ZNF280D: variants seen among roughly 807,000 people sequenced by gnomAD.
ZNF280D encodes the protein zinc finger protein 280D.
Under a neutral mutation model 94.7 loss-of-function variants are expected in ZNF280D, and 39 were observed. The ratio of observed to expected loss-of-function variants is 0.41; its 90% CI spans 0.32 to 0.54. The LOEUF (loss-of-function observed/expected upper bound fraction) is 0.54, where lower values mean the gene tolerates loss of function less well. Among genes scored for constraint, ZNF280D ranks in the 20% least tolerant of loss-of-function variants. ZNF280D has a pLI of 0.22. For missense variants in ZNF280D, 1,090 were observed against 1,149.3 expected (o/e 0.95, Z 0.75); for synonymous variants, 398 against 377.6 (o/e 1.05, Z -0.63).
chr15:56,731,939 G>C (rs1411188004), intron 1 of ZNF280D, among the ~76,000 whole-genome samples: 1 of 152,194 alleles, frequency 6.6e-6, no homozygotes, highest in Non-Finnish European at 1.5e-5. Context: ...GGAGGCTGAG[G>C]TGAGAGGTCA....
intron 19 of ZNF280D, chr15:56,653,373 A>G: frequency 7.7e-7 from 1 of 1,293,146 alleles, no homozygotes; most frequent in South Asian, 2.5e-5. Flanking sequence ...GTGGGCCTTA[A>G]AGCCATCTCT....
intron 17 of ZNF280D, among the ~76,000 whole-genome samples, chr15:56,656,282 T>G (rs1230914040): frequency 6.6e-6 from 1 of 152,198 alleles, no homozygotes; most frequent in Non-Finnish European, 1.5e-5. Context: ...TAAGAATAAT[T>G]ACATTAATCA....
chr15:56,668,956 T>C lies in ZNF280D; in HGVS notation c.1412A>G (p.Lys471Arg). ...PYMHHYMKHQ[K>R]KGIHRCTKCR... ...TTTTGTACAACGATGTATTCCTTTT[T>C]TCTGTTTAGAAAAAAACAGAAAAAG... The change falls in exon 14 of 22, where the codon AAA (lysine) becomes AGA (arginine). Residue 471 changes from lysine (K) to arginine (R), a missense_variant and splice_region_variant. Transcript: ENST00000267807. The C allele has an allele frequency of 1.2e-6, 2 of 1,603,846 alleles. No homozygotes were observed. Among genetic ancestry groups the C allele is most frequent in the East Asian group, 4.5e-5 (2 of 44,488 alleles).
chr15:56,657,825 G>A (rs1038442797), intron 17 of ZNF280D, among the ~76,000 whole-genome samples: 7 of 152,110 alleles, frequency 4.6e-5, no homozygotes, highest in Non-Finnish European at 8.8e-5. Flanking sequence ...TTCCTCAAAC[G>A]CTCAGCATGG....
At chr15:56,709,067 A>G (rs1170794322) in intron 1 of ZNF280D, among the ~76,000 whole-genome samples, 7 of 152,260 alleles carry the variant, frequency 4.6e-5, no homozygotes, top group African/African-American at 1.4e-4. Context: ...CAGAGTGAAC[A>G]GGCAACCTAC....
chr15:56,685,303 C>G (rs2055922740), intron 9 of ZNF280D, among the ~76,000 whole-genome samples: 1 of 151,168 alleles, frequency 6.6e-6, no homozygotes. Flanking sequence ...ATTATATTTA[C>G]TGTAGAAAAA....
intron 1 of ZNF280D, among the ~76,000 whole-genome samples, chr15:56,708,564 T>G (rs556587504): frequency 2.6e-5 from 4 of 152,314 alleles, no homozygotes; most frequent in Admixed American, 2.6e-4. Flanking sequence ...AGAATTTTCT[T>G]GGTAAAGCAC....
intron 19 of ZNF280D, chr15:56,652,962 A>G: frequency 3.3e-6 from 3 of 912,104 alleles, no homozygotes; most frequent in Non-Finnish European, 3.9e-6. Flanking sequence ...AAAAATAGAC[A>G]TCATAAAATA....
intron 6 of ZNF280D, chr15:56,700,640 T>G (rs912625373): frequency 7.6e-7 from 1 of 1,311,778 alleles, no homozygotes; most frequent in Non-Finnish European, 9.7e-7. Flanking sequence ...TTTGTCATTA[T>G]GCAATATTTA....
chr15:56,676,600 A>T, intron 13 of ZNF280D, 70 bp downstream of exon 13: 1 of 1,358,054 alleles, frequency 7.4e-7, no homozygotes, highest in Non-Finnish European at 1.0e-6. Flanking sequence ...AAATCTAAAG[A>T]TTCTCCAAGT....
At chr15:56,646,150 G>A (rs954932412) in intron 19 of ZNF280D, among the ~76,000 whole-genome samples, 2 of 152,166 alleles carry the variant, frequency 1.3e-5, no homozygotes, top group African/African-American at 4.8e-5. Flanking sequence ...TAGCCCAGGC[G>A]TGGTGCCACA....
At chr15:56,679,281 G>A (rs527983887) in intron 10 of ZNF280D, among the ~76,000 whole-genome samples, 1 of 152,272 alleles carries the variant, frequency 6.6e-6, no homozygotes, top group South Asian at 2.1e-4. Context: ...ACAGAGTCAG[G>A]AGGAAATCTT....
intron 1 of ZNF280D, chr15:56,732,955 G>C (rs1378923379): frequency 6.6e-6 from 1 of 152,264 alleles, no homozygotes; most frequent in Non-Finnish European, 1.5e-5. Context: ...TGGAACGACC[G>C]GTCATCTGGG....
Position 56,689,170 on chromosome 15 carries a change from T to G in ZNF280D, c.671-20A>C. ...TTGTACCTAAAATAAATTCAGAACA[T>G]TTATGACTCAAAATTCATCACTTTT... On this transcript the variant is annotated intron_variant, in intron 8 of 21. Transcript: ENST00000267807. The G allele has an allele frequency of 1.3e-6, 2 of 1,591,004 alleles. No homozygotes were observed. The highest frequency in any genetic ancestry group is 2.7e-5 in the African/African-American group (2 of 74,036).
intron 9 of ZNF280D, among the ~76,000 whole-genome samples, chr15:56,688,478 A>C (rs1566983887): frequency 7.2e-6 from 1 of 138,538 alleles, no homozygotes; most frequent in Non-Finnish European, 1.5e-5. Context: ...TGACAGAGCG[A>C]GACTCCGTCT....
chr15:56,658,343 T>G, intron 17 of ZNF280D, 81 bp downstream of exon 17: 1 of 960,036 alleles, frequency 1.0e-6, no homozygotes, highest in Non-Finnish European at 1.6e-6. Flanking sequence ...TAATTCTACC[T>G]CAATAAAGCT....
chr15:56,637,978 G>C (rs1159214603), intron 20 of ZNF280D, among the ~76,000 whole-genome samples: 2 of 152,168 alleles, frequency 1.3e-5, no homozygotes, highest in East Asian at 3.8e-4. Flanking sequence ...ATTGAGTTGT[G>C]AGTTGTACTT....
intron 3 of ZNF280D, among the ~76,000 whole-genome samples, 170 bp downstream of exon 3, chr15:56,706,912 T>G (rs749664693): frequency 6.6e-6 from 1 of 152,200 alleles, no homozygotes; most frequent in African/African-American, 2.4e-5. Context: ...CACTTCTATT[T>G]TACTCACTTT....
chr15:56,644,716 C>G (rs2052795642), intron 19 of ZNF280D, among the ~76,000 whole-genome samples: 1 of 152,062 alleles, frequency 6.6e-6, no homozygotes, highest in South Asian at 2.1e-4. Context: ...TTAAAATGAG[C>G]CCCGTTAAGT....
Sources: gnomAD v4.1 joint callset for allele counts (sites outside exome capture counted in the v4.1 genomes callset) on GRCh38, gnomAD v4.1.1 for gene constraint, MANE v1.5 for transcripts, NCBI Gene and HGNC (gene_info 2026-07-23, HGNC 2026-07-21) for gene names.